MORC2: variants seen among roughly 807,000 people sequenced by gnomAD.
MORC2 encodes the protein ATPase MORC2.
Under a neutral mutation model 136.0 loss-of-function variants are expected in MORC2, and 30 were observed. The observed-to-expected ratio is 0.22, with a 90% CI of 0.17 to 0.30. The LOEUF (loss-of-function observed/expected upper bound fraction) is 0.30. Among genes scored for constraint, MORC2 ranks in the 10% least tolerant of loss-of-function variants. MORC2 has a pLI of 1.00. For missense variants in MORC2, 922 were observed against 1,333.1 expected (o/e 0.69, Z 4.80); for synonymous variants, 439 against 487.0 (o/e 0.90, Z 1.30).
At position 30,941,660 on chromosome 22, in the gene MORC2, G is replaced by C. The variant is rs1162005996; in HGVS notation, c.699-102C>G. The C allele has an allele frequency of 2.0e-6, 3 of 1,473,654 alleles. No individual in the cohort carries two copies. In the African/African-American group the frequency reaches 4.2e-5, roughly 21 times the overall value. The allele number at this position is 1,473,654 out of a possible 1,614,324, so 91.3% of individuals were successfully genotyped here. On this transcript the variant is annotated intron_variant, in intron 8 of 25. Transcript: ENST00000397641. This position sits in a 1 kb window ranked among gnomAD's most constrained non-coding sequence, Gnocchi z 4.6. The stretch of plus-strand genomic sequence containing the variant: ...CAGGCTCTCCACCTTTCCATGTTAG[G>C]TACTGACTTCTGCTGCTGCCCTGAA...
Position 30,937,571 on chromosome 22 carries a change from C to T in MORC2, c.1498+12G>A. On this transcript the variant is annotated intron_variant, in intron 15 of 25. Coordinates refer to ENST00000397641, the MANE Select transcript of MORC2 (RefSeq NM_001303256.3). The surrounding 1 kb of genome is among the most constrained non-coding windows in gnomAD (Gnocchi z 4.7). ...TGGAAATGAGTCGGGGGGGTCCAAC[C>T]ACCCAACTCACCGCACTGGATGGTG... 2 of 1,611,502 alleles carry T rather than the reference C, an allele frequency of 1.2e-6. No individual in the cohort carries two copies. The highest frequency in any genetic ancestry group is 1.7e-6 in the Non-Finnish European group (2 of 1,179,620).
At position 30,956,762 on chromosome 22, in the gene MORC2, C is replaced by T. The variant is rs2147303439; in HGVS notation, c.157+1G>A. 1 of 1,543,168 alleles carries T rather than the reference C, an allele frequency of 6.5e-7. No individual in the cohort carries two copies. The highest frequency in any genetic ancestry group is 8.8e-7 in the Non-Finnish European group (1 of 1,140,864). On this transcript the variant is annotated splice_donor_variant, in intron 3 of 25. Transcript: ENST00000397641. LOFTEE classifies it high-confidence loss of function. ...ATTAGAAGGACTAAAGCCTGACTTA[C>T]CTGCATAAATATCTATTCTGGTGGC...
rs1167291928 is a variant in MORC2, at chr22:30,932,748, A to T, written c.2544T>A (p.Asp848Glu). 6.2e-7 allele frequency: 1 copy of T among 1,614,176 alleles called. No individual in the cohort carries two copies. The highest frequency in any genetic ancestry group is 1.7e-5 in the Admixed American group (1 of 60,032). ...GAGAAGGGGGTTTCATCAGCCGCAC[A>T]TCCTCACTGCCTTTCTCCACCCTGT... ...RDRWVEKGSE[D>E]VRLMKPPSPE... Residue 848 changes from aspartate (D) to glutamate (E), a missense_variant, in exon 23 of 26, where the codon GAT (aspartate) becomes GAA (glutamate). Physicochemically the swap from Asp to Glu is conservative, Grantham distance 45. Around this residue, in one of 9 missense-constraint regions of MORC2, gnomAD observed 263 missense variants for 388.3 expected, o/e 0.68. Transcript: ENST00000397641. The surrounding 1 kb of genome is among the most constrained non-coding windows in gnomAD (Gnocchi z 4.4).
rs1200803218 is a variant in MORC2 at position 30,941,899 on chromosome 22, T to C, written c.690A>G (p.Pro230=). The C allele has an allele frequency of 6.2e-7, 1 of 1,610,346 alleles. No homozygotes were observed. Among genetic ancestry groups the C allele is most frequent in the Non-Finnish European group, 8.5e-7 (1 of 1,176,810 alleles). ...TTCCCAGCCACACTCACGTGCCCTCTGGGGACGTCTCTGCCATCTGGATAT... is the reference window on the plus strand; with the variant it reads ...TTCCCAGCCACACTCACGTGCCCTCCGGGGACGTCTCTGCCATCTGGATAT... ...PRDIQMAETS[P]EGTKPERRSF... The change falls in exon 8 of 26, where the codon CCA becomes CCG. Residue 230 remains proline (P), a synonymous_variant. Coordinates refer to ENST00000397641, the MANE Select transcript of MORC2 (RefSeq NM_001303256.3). This position sits in a 1 kb window ranked among gnomAD's most constrained non-coding sequence, Gnocchi z 4.6.
chr22:30,954,275 A>C (rs1230715661), intron 3 of MORC2, among the ~76,000 whole-genome samples: 3 of 152,040 alleles, frequency 2.0e-5, no homozygotes, highest in Admixed American at 2.0e-4. Context: ...GCCTGGGTGA[A>C]AAAAAAAGAT....
In MORC2 at chr22:30,946,389, G is replaced by C. The variant is rs2072132; in HGVS notation, c.378C>G (p.Thr126=). 507,822 of 1,608,222 alleles carry C rather than the reference G, an allele frequency of 0.32. 83,232 individuals are homozygous for C. Among genetic ancestry groups the C allele is most frequent in the East Asian group, 0.58 (26,064 of 44,622 alleles). ...ILFTKKEDTM[T]CLFLSRTFHE... ...GAAACGTGCGAGACAGGAAGAGGCAGGTCATGGTGTCTTCCTTCTTGGTGA... is the reference window on the plus strand; with the variant it reads ...GAAACGTGCGAGACAGGAAGAGGCACGTCATGGTGTCTTCCTTCTTGGTGA... The change falls in exon 6 of 26, where the codon ACC becomes ACG. Residue 126 remains threonine (T), a synonymous_variant. Transcript: ENST00000397641.
chr22:30,958,537 ATTCTACAGAAATGTC>A, intron 2 of MORC2, 89 bp downstream of exon 2: 3 of 825,534 alleles, frequency 3.6e-6, no homozygotes, highest in Non-Finnish European at 5.6e-6. Context: ...GAATGTCTAC[ATTCTACAGAAATGTC>A]TTCCTCTCAA....
chr22:30,926,410 G>A lies in MORC2; in HGVS notation c.*393C>T, dbSNP rs531735827. The A allele has an allele frequency of 3.9e-4, 60 of 155,242 alleles. No homozygotes were observed. The highest frequency in any genetic ancestry group is 1.2e-3 in the African/African-American group (49 of 41,520). 9.6% of individuals were successfully genotyped at this position (155,242 alleles called of 1,614,324 possible). A position where few individuals can be genotyped will look rare whatever the true frequency, so the allele number is the denominator to read the frequency against. ...TCCCCACATTGTTCCTCCTGTAGGA[G>A]AAAAGTCAGCCCTGCCCCTGGAGCT... On this transcript the variant is annotated 3_prime_UTR_variant, in exon 26 of 26. Transcript: ENST00000397641.
chr22:30,964,173 C>T (rs1423574733), intron 1 of MORC2, among the ~76,000 whole-genome samples: 3 of 151,994 alleles, frequency 2.0e-5, no homozygotes, highest in Admixed American at 6.6e-5. Context: ...CTGGCTAACA[C>T]GGTGAAACCC....
chr22:30,928,451 C>G (rs150960657), intron 24 of MORC2, among the ~76,000 whole-genome samples: 1 of 152,220 alleles, frequency 6.6e-6, no homozygotes, highest in Non-Finnish European at 1.5e-5. Context: ...GCACAGTGCT[C>G]TGGCAGACAG....
In MORC2 at chr22:30,937,447, C is replaced by A. The variant is rs910832492; in HGVS notation, c.1498+136G>T. ...CTCAAGACTGAGCTCACAGGGCCAT[C>A]GTCAAACAGACTTGGATCCCTAGGG... is the stretch of plus-strand genomic sequence containing the variant. On this transcript the variant is annotated intron_variant, in intron 15 of 25. Transcript: ENST00000397641. The surrounding 1 kb of genome is among the most constrained non-coding windows in gnomAD (Gnocchi z 4.7). 2 of 1,352,756 alleles carry A rather than the reference C, an allele frequency of 1.5e-6. No homozygotes were observed. The allele number at this position is 1,352,756 out of a possible 1,614,324, so 83.8% of individuals were successfully genotyped here.
chr22:30,966,673 G>A (rs2041133089), intron 1 of MORC2, among the ~76,000 whole-genome samples: 1 of 152,148 alleles, frequency 6.6e-6, no homozygotes, highest in Non-Finnish European at 1.5e-5. Context: ...AGCTACTTGG[G>A]AAGCTGAGGC....
chr22:30,937,443 CCATCGT>C lies in MORC2; in HGVS notation c.1498+134_1498+139del. ...AAGCCTCAAGACTGAGCTCACAGGG[CCATCGT>C]CAAACAGACTTGGATCCCTAGGGGA... On this transcript the variant is annotated intron_variant, in intron 15 of 25. Coordinates refer to ENST00000397641, the MANE Select transcript of MORC2 (RefSeq NM_001303256.3). The surrounding 1 kb of genome is among the most constrained non-coding windows in gnomAD (Gnocchi z 4.7). 7.7e-7 allele frequency: 1 copy of C among 1,299,690 alleles called. No individual in the cohort carries two copies. Among genetic ancestry groups the C allele is most frequent in the Non-Finnish European group, 1.1e-6 (1 of 948,022 alleles). 80.5% of individuals were successfully genotyped at this position (1,299,690 alleles called of 1,614,324 possible).
chr22:30,933,910 G>A (rs1280893944), intron 20 of MORC2, 150 bp downstream of exon 20: 2 of 910,702 alleles, frequency 2.2e-6, no homozygotes, highest in African/African-American at 1.7e-5. Flanking sequence ...AACAGAGTTG[G>A]TGCAGACTGC....
chr22:30,953,199 T>C (rs1473561761), intron 3 of MORC2, among the ~76,000 whole-genome samples: 1 of 152,236 alleles, frequency 6.6e-6, no homozygotes, highest in Non-Finnish European at 1.5e-5. Flanking sequence ...GAGTGATATC[T>C]GAAGCCTCCA....
rs2040999627 is a variant in MORC2, at chr22:30,958,621, T to C, written c.122+20A>G. On this transcript the variant is annotated intron_variant, in intron 2 of 25. Transcript: ENST00000397641. ...GTGTTTCCACTTCAAGCACAGATTGTATGCCTGAAGACTACATACCTTGCA... is the reference window on the plus strand; with the variant it reads ...GTGTTTCCACTTCAAGCACAGATTGCATGCCTGAAGACTACATACCTTGCA... 6.5e-7 allele frequency: 1 copy of C among 1,538,656 alleles called. No homozygotes were observed. Among genetic ancestry groups the C allele is most frequent in the Non-Finnish European group, 8.8e-7 (1 of 1,137,114 alleles).
Position 30,946,374 on chromosome 22 carries a change from A to G in MORC2, c.393T>C (p.Ser131=). 6.2e-7 allele frequency: 1 copy of G among 1,610,960 alleles called. No homozygotes were observed. Among genetic ancestry groups the G allele is most frequent in the Non-Finnish European group, 8.5e-7 (1 of 1,178,462 alleles). The change falls in exon 6 of 26, where the codon TCT becomes TCC. Residue 131 remains serine (S), a synonymous_variant. Coordinates refer to ENST00000397641, the MANE Select transcript of MORC2 (RefSeq NM_001303256.3). ...TGCCTTCTTCCTCATGAAACGTGCGAGACAGGAAGAGGCAGGTCATGGTGT... is the reference window on the plus strand; with the variant it reads ...TGCCTTCTTCCTCATGAAACGTGCGGGACAGGAAGAGGCAGGTCATGGTGT... ...KEDTMTCLFL[S]RTFHEEEGID... is the part of the protein sequence containing the mutation.
At position 30,934,232 on chromosome 22, in the gene MORC2, A is replaced by G. The variant is rs768625225; in HGVS notation, c.2194-41T>C. ...CGTGAGGATGTGAGGGGCCCTGTTC[A>G]GCCTCTAAGGAGCAGGAAGATTTCA... On this transcript the variant is annotated intron_variant, in intron 19 of 25. Coordinates refer to ENST00000397641, the MANE Select transcript of MORC2 (RefSeq NM_001303256.3). The surrounding 1 kb of genome is among the most constrained non-coding windows in gnomAD (Gnocchi z 4.4). 8 of 1,613,350 alleles carry G rather than the reference A, an allele frequency of 5.0e-6. No individual in the cohort carries two copies. The East Asian group carries it at 1.3e-4, about 27-fold the overall frequency.
intron 3 of MORC2, 59 bp from the exon 4 acceptor site, chr22:30,950,504 C>T: frequency 6.5e-7 from 1 of 1,527,372 alleles, no homozygotes; most frequent in Non-Finnish European, 9.1e-7. Context: ...GGCAACATGC[C>T]TATGATCAGA....
Sources: gnomAD v4.1 joint callset for allele counts (sites outside exome capture counted in the v4.1 genomes callset) on GRCh38, gnomAD v4.1.1 for gene constraint, gnomAD v4.1.1 regional missense constraint, Gnocchi (gnomAD v3.1) non-coding constraint, MANE v1.5 for transcripts, NCBI Gene and HGNC (gene_info 2026-07-23, HGNC 2026-07-21) for gene names.